The following XKR4 variants were observed in gnomAD, a reference collection of about 807,000 sequenced individuals.
XKR4 encodes XK-related protein 4.
Under a neutral mutation model 53.9 loss-of-function variants are expected in XKR4, and 12 were observed. That is an observed-to-expected ratio of 0.22 (90% CI 0.14 to 0.36). The LOEUF is 0.36. XKR4 is among the 10% of genes least tolerant of loss of function. The pLI, the probability that XKR4 is intolerant of heterozygous loss-of-function variation, is 1.00. For synonymous variants in XKR4, 354 were observed against 362.4 expected, an observed-to-expected ratio of 0.98 and a Z score of 0.26; for missense variants, 799 against 859.5, an observed-to-expected ratio of 0.93 and a Z score of 0.88.
At chr8:55,122,049 A>C (rs1305422110) in intron 1 of XKR4, among the ~76,000 whole-genome samples, 1 of 152,234 alleles carries the variant, frequency 6.6e-6, no homozygotes, top group African/African-American at 2.4e-5. Context: ...GAATCTATAA[A>C]TTGTTATAGT....
Position 55,255,435 on chromosome 8 carries a change from C to A in XKR4, c.807-102243C>A, listed in dbSNP as rs569417525. Among the ~76,000 whole-genome samples the A allele has an allele frequency of 7.9e-5, 12 of 152,204 alleles. No homozygotes were observed. The South Asian group carries it at 2.5e-3, about 32-fold the overall frequency. ...CAATTTCCAGCATTTATCCCAATAA[C>A]TTTTTATTTTCATCCAATTACCAAA... On this transcript the variant is annotated intron_variant, in intron 1 of 2. Transcript: ENST00000327381.
intron 2 of XKR4, chr8:55,453,265 G>T: frequency 2.0e-6 from 1 of 490,136 alleles, no homozygotes. Flanking sequence ...TGCCATGCTT[G>T]TCCAGAGAAG....
chr8:55,359,946 CA>C (rs905132387), intron 2 of XKR4, among the ~76,000 whole-genome samples: 1 of 152,168 alleles, frequency 6.6e-6, no homozygotes, highest in Non-Finnish European at 1.5e-5. Flanking sequence ...AAGCTTGACA[CA>C]TATACGTCAG....
intron 2 of XKR4, among the ~76,000 whole-genome samples, chr8:55,437,325 C>T (rs1026853356): frequency 2.6e-5 from 4 of 152,098 alleles, no homozygotes; most frequent in Non-Finnish European, 5.9e-5. Flanking sequence ...GCCACTGTGC[C>T]TGGCCTCAAT....
intron 1 of XKR4, among the ~76,000 whole-genome samples, chr8:55,232,766 T>A (rs1438832312): frequency 2.6e-5 from 4 of 152,138 alleles, no homozygotes; most frequent in Admixed American, 6.5e-5. Context: ...GCCCTCCAAG[T>A]CTTAGGTATT....
At chr8:55,515,588 A>T (rs1363173702) in intron 2 of XKR4, among the ~76,000 whole-genome samples, 6 of 152,232 alleles carry the variant, frequency 3.9e-5, no homozygotes, top group African/African-American at 1.4e-4. Context: ...ATTCAACTCA[A>T]GTATGGAACT....
In XKR4 at chr8:55,535,500, A is replaced by G. The variant is rs1197574686; in HGVS notation, c.*11273A>G. The G allele has an allele frequency of 6.6e-6, 1 of 151,876 alleles. No homozygotes were observed. The highest frequency in any genetic ancestry group is 1.5e-5 in the Non-Finnish European group (1 of 67,984). 9.4% of individuals were successfully genotyped at this position (151,876 alleles called of 1,614,324 possible). A position where few individuals can be genotyped will look rare whatever the true frequency, so the allele number is the denominator to read the frequency against. On this transcript the variant is annotated 3_prime_UTR_variant, in exon 3 of 3. Transcript: ENST00000327381. ...AAAATGTTCATTTTCTGAACCCCAG[A>G]GCCCACATAGGTACAAAGATACTCT...
intron 1 of XKR4, among the ~76,000 whole-genome samples, chr8:55,165,401 A>T (rs148105858): frequency 1.5e-4 from 23 of 152,226 alleles, no homozygotes; most frequent in African/African-American, 5.3e-4. Context: ...AACATTAATC[A>T]TCTGTACCAG....
chr8:55,313,575 G>C (rs1263880129), intron 1 of XKR4, among the ~76,000 whole-genome samples: 1 of 152,266 alleles, frequency 6.6e-6, no homozygotes, highest in South Asian at 2.1e-4. Flanking sequence ...CCACTAGATG[G>C]GGGTGTCTAC....
rs192297315 is a variant in XKR4, at chr8:55,121,816, C to T, written c.806+18522C>T. 1.8e-3 allele frequency among the ~76,000 whole-genome samples: 246 copies of T among 140,472 alleles called. 1 individual carries two copies. The highest frequency in any genetic ancestry group is 6.3e-3 in the African/African-American group (235 of 37,304). 92.2% of individuals were successfully genotyped at this position (140,472 alleles called of 152,430 possible). On this transcript the variant is annotated intron_variant, in intron 1 of 2. Transcript: ENST00000327381. ...ATTTTTATGTTACAGAAAAAAGGCA[C>T]GGCACAAATACAACATTACACACAC... is the stretch of plus-strand genomic sequence containing the variant.
chr8:55,270,879 G>T (rs1420584495), intron 1 of XKR4, among the ~76,000 whole-genome samples: 2 of 152,140 alleles, frequency 1.3e-5, no homozygotes, highest in Admixed American at 1.3e-4. Context: ...ATATAAAATA[G>T]AATCCATGCT....
chr8:55,464,842 A>G (rs369319056), intron 2 of XKR4, among the ~76,000 whole-genome samples: 6 of 152,162 alleles, frequency 3.9e-5, no homozygotes, highest in Non-Finnish European at 8.8e-5. Flanking sequence ...TACACCAAAA[A>G]CAGACAAACA....
chr8:55,463,050 A>G (rs1805688958), intron 2 of XKR4, among the ~76,000 whole-genome samples: 1 of 152,214 alleles, frequency 6.6e-6, no homozygotes, highest in African/African-American at 2.4e-5. Context: ...CCCACTGTCA[A>G]CATTAGACAG....
intron 1 of XKR4, among the ~76,000 whole-genome samples, chr8:55,291,234 C>T (rs1314176647): frequency 6.6e-6 from 1 of 152,160 alleles, no homozygotes; most frequent in Non-Finnish European, 1.5e-5. Flanking sequence ...TGTGTCTACT[C>T]TTGGCCGATA....
In XKR4 at chr8:55,397,628, C is replaced by T. The variant is rs556447211; in HGVS notation, c.1006+39751C>T. 4.1e-4 allele frequency among the ~76,000 whole-genome samples: 63 copies of T among 151,924 alleles called. 1 individual carries two copies. Among genetic ancestry groups the T allele is most frequent in the African/African-American group, 1.4e-3 (60 of 41,400 alleles). ...AACTACTTCCTGCCACTGCACCCCA[C>T]CACACATGCACACACACATGGGTGC... On this transcript the variant is annotated intron_variant, in intron 2 of 2. Coordinates refer to ENST00000327381, the MANE Select transcript of XKR4 (RefSeq NM_052898.2).
At chr8:55,310,997 G>A (rs1266322840) in intron 1 of XKR4, among the ~76,000 whole-genome samples, 2 of 152,146 alleles carry the variant, frequency 1.3e-5, no homozygotes, top group East Asian at 3.9e-4. Flanking sequence ...ACTGCAGCTG[G>A]TTATTATTTA....
chr8:55,322,492 T>G (rs1375553189), intron 1 of XKR4, among the ~76,000 whole-genome samples: 1 of 152,218 alleles, frequency 6.6e-6, no homozygotes, highest in African/African-American at 2.4e-5. Context: ...TGGAACAGAC[T>G]TTTGCTTGAA....
chr8:55,382,795 G>T (rs779291778), intron 2 of XKR4, among the ~76,000 whole-genome samples: 1 of 151,998 alleles, frequency 6.6e-6, no homozygotes, highest in Non-Finnish European at 1.5e-5. Flanking sequence ...CAGGATTTTA[G>T]GTATACGGTC....
At chr8:55,402,229 C>A (rs1490245900) in intron 2 of XKR4, among the ~76,000 whole-genome samples, 1 of 152,212 alleles carries the variant, frequency 6.6e-6, no homozygotes, top group Admixed American at 6.5e-5. Context: ...ACTTTGGGAA[C>A]TACTGCACTA....
Sources: gnomAD v4.1 joint callset for allele counts (sites outside exome capture counted in the v4.1 genomes callset) on GRCh38, gnomAD v4.1.1 for gene constraint, MANE v1.5 for transcripts, NCBI Gene and HGNC (gene_info 2026-07-23, HGNC 2026-07-21) for gene names.